Variants in SCUBE1 observed in about 807,000 individuals in gnomAD.
SCUBE1 encodes signal peptide, CUB and EGF-like domain-containing protein 1.
In SCUBE1, 59 loss-of-function variants were observed where a neutral mutation model predicts 124.4. That is an observed-to-expected ratio of 0.47 (90% confidence interval 0.38 to 0.59). The LOEUF (loss-of-function observed/expected upper bound fraction) is 0.59. Ranked by LOEUF, SCUBE1 falls within the 20% of genes least tolerant of loss-of-function variation. SCUBE1 has a pLI of 0.00. For missense variants in SCUBE1, 1,150 were observed against 1,371.2 expected (o/e 0.84, Z 2.55); for synonymous variants, 545 against 550.9 (o/e 0.99, Z 0.15).
Position 43,214,240 on chromosome 22 carries a change from G to C in SCUBE1, c.1903C>G (p.Pro635Ala). ...LQDSKCVACG[P>A]GTHFGGELGQ... ...AGCTCACCACCGAAGTGGGTGCCAG[G>C]CCCACAGGCAACTGCAGAGGCAAAG... The change falls in exon 16 of 22, where the codon CCT becomes GCT. Residue 635 changes from proline to alanine, a missense_variant. By Grantham distance (27) the Pro-to-Ala change is conservative. Coordinates refer to ENST00000360835, the MANE Select transcript of SCUBE1 (RefSeq NM_173050.5). The C allele has an allele frequency of 6.2e-7, 1 of 1,612,036 alleles. No individual in the cohort carries two copies. The highest frequency in any genetic ancestry group is 8.5e-7 in the Non-Finnish European group (1 of 1,179,404).
intron 7 of SCUBE1, chr22:43,232,567 C>T (rs1922599060): frequency 1.3e-5 from 2 of 152,382 alleles, no homozygotes; most frequent in Admixed American, 1.3e-4. Context: ...CCCCCCTTTC[C>T]CAGCCTGACT....
intron 3 of SCUBE1, among the ~76,000 whole-genome samples, chr22:43,319,169 G>A (rs1926452497): frequency 6.6e-6 from 1 of 152,146 alleles, no homozygotes; most frequent in Non-Finnish European, 1.5e-5. Context: ...GACTGTATTT[G>A]GAGACAGGGC....
rs17003560 is a variant in SCUBE1, at chr22:43,222,965, G to A, written c.1327+132C>T. On this transcript the variant is annotated intron_variant, in intron 11 of 21. Coordinates refer to ENST00000360835, the MANE Select transcript of SCUBE1 (RefSeq NM_173050.5). ...CAGAAAACCAGACAGCTGCCTTAGGGTCACTCAGTTATCAGAGACCCTCAT... is the reference window on the plus strand; with the variant it reads ...CAGAAAACCAGACAGCTGCCTTAGGATCACTCAGTTATCAGAGACCCTCAT... 3,217 of 1,295,588 alleles carry A rather than the reference G, an allele frequency of 2.5e-3. 55 individuals carry two copies. In the African/African-American group the frequency reaches 0.04, roughly 16 times the overall value. The allele number at this position is 1,295,588 out of a possible 1,614,324, so 80.3% of individuals were successfully genotyped here.
intron 3 of SCUBE1, among the ~76,000 whole-genome samples, chr22:43,313,134 C>T (rs1926227890): frequency 6.6e-6 from 1 of 152,224 alleles, no homozygotes; most frequent in South Asian, 2.1e-4. Flanking sequence ...AATCCAGGCA[C>T]ACAGGAGGCT....
In SCUBE1 at chr22:43,306,011, C is replaced by T. The variant is rs374546112; in HGVS notation, c.349+13926G>A. On this transcript the variant is annotated intron_variant, in intron 3 of 21. Coordinates refer to ENST00000360835, the MANE Select transcript of SCUBE1 (RefSeq NM_173050.5). The stretch of plus-strand genomic sequence containing the variant: ...CCTGATGCACAGGCCTGGCTAATGG[C>T]CACTATAAACAGCTGGAACCTGTCC... Among the ~76,000 whole-genome samples, 19 of 152,262 alleles carry T rather than the reference C, an allele frequency of 1.2e-4. No individual in the cohort carries two copies. In the South Asian group the frequency reaches 3.5e-3, roughly 28 times the overall value.
chr22:43,316,008 G>A (rs113245469), intron 3 of SCUBE1, among the ~76,000 whole-genome samples: 2 of 152,204 alleles, frequency 1.3e-5, no homozygotes, highest in African/African-American at 4.8e-5. Flanking sequence ...CCGTGGGAGC[G>A]CACATGGTGG....
chr22:43,242,458 C>T (rs977161513), intron 6 of SCUBE1, among the ~76,000 whole-genome samples: 3 of 152,218 alleles, frequency 2.0e-5, no homozygotes, highest in East Asian at 1.9e-4. Context: ...CCCGAGGCTG[C>T]GGCAGTGGCA....
At chr22:43,238,425 C>G (rs759710284) in intron 7 of SCUBE1, 35 of 486,008 alleles carry the variant, frequency 7.2e-5, no homozygotes, top group Non-Finnish European at 1.2e-4. Context: ...ATCAGCTCTG[C>G]AAGACCCACT....
At chr22:43,325,685 G>A (rs1040678086) in intron 2 of SCUBE1, among the ~76,000 whole-genome samples, 1 of 152,070 alleles carries the variant, frequency 6.6e-6, no homozygotes, top group East Asian at 1.9e-4. Context: ...TTCACTCCAA[G>A]CATCCCTGTT....
At chr22:43,250,425 G>T (rs1013504610) in intron 6 of SCUBE1, among the ~76,000 whole-genome samples, 2 of 152,206 alleles carry the variant, frequency 1.3e-5, no homozygotes, top group African/African-American at 2.4e-5. Context: ...GGAACCCAAG[G>T]TCCCCTCAGG....
intron 4 of SCUBE1, 40 bp from the exon 5 acceptor site, chr22:43,262,885 G>A: frequency 6.3e-7 from 1 of 1,591,598 alleles, no homozygotes; most frequent in Non-Finnish European, 8.6e-7. Flanking sequence ...TGAAGACCAG[G>A]CAGAGAGGGA....
At chr22:43,333,970 T>A (rs1356826548) in intron 2 of SCUBE1, among the ~76,000 whole-genome samples, 1 of 152,228 alleles carries the variant, frequency 6.6e-6, no homozygotes, top group East Asian at 1.9e-4. Flanking sequence ...GTGGCAGCCA[T>A]GTCCTCGGGG....
intron 4 of SCUBE1, among the ~76,000 whole-genome samples, chr22:43,265,029 C>T (rs1307688037): frequency 3.3e-5 from 5 of 152,190 alleles, no homozygotes; most frequent in Admixed American, 6.5e-5. Context: ...CCTTGTTTGG[C>T]AAAGGCTTAT....
In SCUBE1 at chr22:43,255,367, G is replaced by T; in HGVS notation, c.727+2852C>A. 2 of 863,334 alleles carry T rather than the reference G, an allele frequency of 2.3e-6. No homozygotes were observed. The highest frequency in any genetic ancestry group is 1.6e-5 in the South Asian group (1 of 63,914). 53.5% of individuals were successfully genotyped at this position (863,334 alleles called of 1,614,324 possible). A position where few individuals can be genotyped will look rare whatever the true frequency, so the allele number is the denominator to read the frequency against. The stretch of plus-strand genomic sequence containing the variant: ...CAGACATATGCCCCCACACGCACAC[G>T]TCACACCCACACACAGCACACACAC... On this transcript the variant is annotated intron_variant, in intron 6 of 21. Coordinates refer to ENST00000360835, the MANE Select transcript of SCUBE1 (RefSeq NM_173050.5). The surrounding 1 kb of genome is among the most constrained non-coding windows in gnomAD (Gnocchi z 4.7).
intron 10 of SCUBE1, among the ~76,000 whole-genome samples, chr22:43,225,477 G>C (rs1922264898): frequency 6.6e-6 from 1 of 151,568 alleles, no homozygotes. Flanking sequence ...GCAACAGATG[G>C]TAAAGAGCAG....
intron 10 of SCUBE1, among the ~76,000 whole-genome samples, chr22:43,226,757 G>T (rs2146674195): frequency 6.6e-6 from 1 of 152,190 alleles, no homozygotes; most frequent in African/African-American, 2.4e-5. Context: ...GTTCCAGGAG[G>T]GCAGGCCCAC....
At position 43,343,368 on chromosome 22, in the gene SCUBE1, G is replaced by C. The variant is rs1356652105; in HGVS notation, c.-107C>G. ...GCTGCTCGCCGCTCCGCCACCGCTC[G>C]GGCTCCCGAGCCGCCCAGCCAGCCC... On this transcript the variant is annotated 5_prime_UTR_variant, in exon 1 of 22. Transcript: ENST00000360835. 2 of 439,182 alleles carry C rather than the reference G, an allele frequency of 4.6e-6. No homozygotes were observed. The highest frequency in any genetic ancestry group is 5.9e-5 in the Admixed American group (1 of 16,858). The allele number at this position is 439,182 out of a possible 1,614,324, so 27.2% of individuals were successfully genotyped here.
At chr22:43,289,524 C>G (rs1220078337) in intron 4 of SCUBE1, among the ~76,000 whole-genome samples, 1 of 152,254 alleles carries the variant, frequency 6.6e-6, no homozygotes, top group Non-Finnish European at 1.5e-5. Context: ...ACTAAGAATT[C>G]TAAGGAGCCT....
intron 2 of SCUBE1, among the ~76,000 whole-genome samples, chr22:43,335,662 C>T (rs1299091454): frequency 6.6e-6 from 1 of 152,140 alleles, no homozygotes; most frequent in Non-Finnish European, 1.5e-5. Context: ...GTATGCAGAA[C>T]TGAGCAATTT....
Sources: gnomAD v4.1 joint callset for allele counts (sites outside exome capture counted in the v4.1 genomes callset) on GRCh38, gnomAD v4.1.1 for gene constraint, Gnocchi (gnomAD v3.1) non-coding constraint, MANE v1.5 for transcripts, NCBI Gene and HGNC (gene_info 2026-07-23, HGNC 2026-07-21) for gene names.